Variants in LDB3 observed in about 807,000 individuals in gnomAD.
LDB3 encodes the protein LIM domain binding 3.
LDB3 carries 49 observed loss-of-function variants against 69.0 expected under a neutral mutation model. The ratio of observed to expected loss-of-function variants is 0.71; its 90% CI spans 0.56 to 0.90. The LOEUF is 0.90. Among genes scored for constraint, LDB3 ranks in the 40% least tolerant of loss-of-function variants. The pLI, the probability that LDB3 is intolerant of heterozygous loss-of-function variation, is 0.00. For synonymous variants in LDB3, 387 were observed against 396.2 expected (o/e 0.98, Z 0.28); for missense variants, 928 against 974.1 (o/e 0.95, Z 0.63).
At chr10:86,713,607 G>T (rs762030725) in intron 9 of LDB3, among the ~76,000 whole-genome samples, 1 of 152,174 alleles carries the variant, frequency 6.6e-6, no homozygotes, top group Non-Finnish European at 1.5e-5. Context: ...ATGTTGCACA[G>T]AACCCCCTTA....
intron 7 of LDB3, among the ~76,000 whole-genome samples, chr10:86,692,945 T>C (rs1845836544): frequency 6.6e-6 from 1 of 152,190 alleles, no homozygotes; most frequent in Non-Finnish European, 1.5e-5. Flanking sequence ...CCTGTCCCCC[T>C]ATGATTCCGA....
chr10:86,692,213 G>A, intron 6 of LDB3, 148 bp downstream of exon 6: 1 of 951,604 alleles, frequency 1.1e-6, no homozygotes, highest in Non-Finnish European at 1.6e-6. Context: ...GGCTGGCAGG[G>A]CTCCTTCTGG....
chr10:86,710,282 G>C (rs1415951559), intron 9 of LDB3: 4 of 984,342 alleles, frequency 4.1e-6, no homozygotes, highest in Non-Finnish European at 4.8e-6. Flanking sequence ...AAGGGAGAGC[G>C]AAGGAGAGCA....
rs776058652 is a variant in LDB3, at chr10:86,706,635, C to A, written c.1001C>A (p.Pro334Gln). The change falls in exon 8 of 14, where the codon CCA becomes CAA. Residue 334 changes from proline to glutamine, a missense_variant. Physicochemically the swap from Pro to Gln is moderately conservative, Grantham distance 76. Transcript: ENST00000361373. ...PAAASPSAAS[P>Q]PLATAAAHTA... ...GCTGCCTCTCCCAGTGCGGCTTCGC[C>A]ACCCCTGGCCACAGCTGCTGCCCAC... The A allele has an allele frequency of 1.2e-6, 2 of 1,613,188 alleles. No homozygotes were observed. Among genetic ancestry groups the A allele is most frequent in the East Asian group, 4.5e-5 (2 of 44,880 alleles).
At chr10:86,669,512 G>A (rs114758769) in intron 2 of LDB3, among the ~76,000 whole-genome samples, 2,428 of 152,314 alleles carry the variant, frequency 0.016, 79 homozygotes, top group African/African-American at 0.056. Context: ...TAACTCTACC[G>A]CCTGGCTGGA....
At chr10:86,718,668 G>A (rs1846963582) in intron 11 of LDB3, 59 bp from the exon 12 acceptor site, 7 of 1,612,654 alleles carry the variant, frequency 4.3e-6, no homozygotes, top group South Asian at 1.1e-5. Flanking sequence ...GAGCCTGGTG[G>A]GGTAGTCAAG....
chr10:86,695,733 G>C (rs541353884), intron 7 of LDB3, among the ~76,000 whole-genome samples: 5 of 152,288 alleles, frequency 3.3e-5, no homozygotes, highest in African/African-American at 1.2e-4. Context: ...TTCTGACTTT[G>C]GAAAGGCATT....
At chr10:86,685,670 C>T in intron 5 of LDB3, 1 of 1,614,132 alleles carries the variant, frequency 6.2e-7, no homozygotes, top group Non-Finnish European at 8.5e-7. Context: ...TGCCCTTTTC[C>T]TCCCCAGGTG....
chr10:86,720,271 C>T (rs1489167498), intron 12 of LDB3, among the ~76,000 whole-genome samples: 4 of 152,026 alleles, frequency 2.6e-5, no homozygotes, highest in Non-Finnish European at 5.9e-5. Flanking sequence ...ATGGTGAAAC[C>T]CCATCTCTAC....
At position 86,671,467 on chromosome 10, in the gene LDB3, A is replaced by G. The variant is rs546523642; in HGVS notation, c.93+2683A>G. ...ATAGGGTCTCTGCTTGCAGACCCAC[A>G]GAGAAGGGAGTTCAAGAGGGAGACT... On this transcript the variant is annotated intron_variant, in intron 2 of 13. Coordinates refer to ENST00000361373, the MANE Select transcript of LDB3 (RefSeq NM_007078.3). 2.6e-5 allele frequency among the ~76,000 whole-genome samples: 4 copies of G among 152,256 alleles called. No individual in the cohort carries two copies. The South Asian group carries it at 8.3e-4, about 32-fold the overall frequency.
chr10:86,708,065 C>T (rs562580796), intron 8 of LDB3, among the ~76,000 whole-genome samples: 2 of 152,356 alleles, frequency 1.3e-5, no homozygotes, highest in African/African-American at 4.8e-5. Flanking sequence ...CCCTGGGGCC[C>T]CAACCCTGCT....
chr10:86,694,335 C>T (rs1359728108), intron 7 of LDB3, among the ~76,000 whole-genome samples: 1 of 152,146 alleles, frequency 6.6e-6, no homozygotes, highest in African/African-American at 2.4e-5. Context: ...GTCCTTTCAC[C>T]AGCGGCCTAA....
intron 12 of LDB3, 79 bp from the exon 13 acceptor site, chr10:86,726,058 C>G: frequency 1.1e-6 from 1 of 923,260 alleles, no homozygotes; most frequent in Non-Finnish European, 1.8e-6. Flanking sequence ...CTTCTGCCCA[C>G]TGATTTGGGG....
intron 12 of LDB3, among the ~76,000 whole-genome samples, chr10:86,720,002 G>T (rs547609376): frequency 6.6e-6 from 1 of 152,312 alleles, no homozygotes; most frequent in South Asian, 2.1e-4. Context: ...TAACAGAGCT[G>T]CAGGGACTAA....
chr10:86,685,877 C>A (rs982579605), intron 5 of LDB3, among the ~76,000 whole-genome samples: 4 of 152,088 alleles, frequency 2.6e-5, no homozygotes, highest in African/African-American at 7.2e-5. Flanking sequence ...GGAGTAGAAG[C>A]ATTTGGGGGT....
At chr10:86,701,489 AG>A in intron 7 of LDB3, among the ~76,000 whole-genome samples, 1 of 152,294 alleles carries the variant, frequency 6.6e-6, no homozygotes, top group South Asian at 2.1e-4. Flanking sequence ...TAAACCCCTC[AG>A]TATAAGCAGG....
intron 2 of LDB3, among the ~76,000 whole-genome samples, chr10:86,672,132 C>A (rs1301886000): frequency 7.2e-6 from 1 of 138,438 alleles, no homozygotes; most frequent in Non-Finnish European, 1.6e-5. Flanking sequence ...AATAAATAAA[C>A]AAATAAAATG....
rs116206291 is a variant in LDB3 at position 86,679,938 on chromosome 10, A to G, written c.246-144A>G. Reference sequence around the variant, plus strand: ...GGGAGATCCAGCCCATGGGGTGGACAGTGGATCTGGGGCCCTCTGACTCAG... The same window carrying G: ...GGGAGATCCAGCCCATGGGGTGGACGGTGGATCTGGGGCCCTCTGACTCAG... On this transcript the variant is annotated intron_variant, in intron 3 of 13. Coordinates refer to ENST00000361373, the MANE Select transcript of LDB3 (RefSeq NM_007078.3). 9,708 of 751,772 alleles carry G rather than the reference A, an allele frequency of 0.013. 281 individuals carry two copies. Among genetic ancestry groups the G allele is most frequent in the African/African-American group, 0.071 (4,137 of 58,030 alleles). The allele number at this position is 751,772 out of a possible 1,614,324, so 46.6% of individuals were successfully genotyped here. A position where few individuals can be genotyped will look rare whatever the true frequency, so the allele number is the denominator to read the frequency against.
At position 86,718,897 on chromosome 10, in the gene LDB3, G is replaced by C. The variant is rs1433325803; in HGVS notation, c.1978+50G>C. 4.3e-6 allele frequency: 7 copies of C among 1,612,092 alleles called. No individual in the cohort carries two copies. The Admixed American group carries it at 6.7e-5, about 15-fold the overall frequency. ...GGGAGGCCCCACAGCCTGGGAGAAA[G>C]GGGCAGGCACAGGGAACTAACTCCT... On this transcript the variant is annotated intron_variant, in intron 12 of 13. Coordinates refer to ENST00000361373, the MANE Select transcript of LDB3 (RefSeq NM_007078.3).
Sources: gnomAD v4.1 joint callset for allele counts (sites outside exome capture counted in the v4.1 genomes callset) on GRCh38, gnomAD v4.1.1 for gene constraint, MANE v1.5 for transcripts, NCBI Gene and HGNC (gene_info 2026-07-23, HGNC 2026-07-21) for gene names.